ACYP2: variants seen among roughly 807,000 people sequenced by gnomAD.
The protein encoded by ACYP2 is acylphosphatase 2.
Under a neutral mutation model 11.2 loss-of-function variants are expected in ACYP2, and 12 were observed. The ratio of observed to expected loss-of-function variants is 1.08; its 90% CI spans 0.69 to 1.74. The LOEUF (loss-of-function observed/expected upper bound fraction) is 1.74. ACYP2 is among the 40% of genes most tolerant of loss of function. ACYP2 has a pLI of 0.00. For synonymous variants in ACYP2, 43 were observed against 32.2 expected (o/e 1.33, Z -1.13); for missense variants, 134 against 101.9 (o/e 1.31, Z -1.35).
At chr2:54,018,195 G>C (rs893251246) in intron 2 of ACYP2, among the ~76,000 whole-genome samples, 10 of 152,128 alleles carry the variant, frequency 6.6e-5, no homozygotes, top group African/African-American at 2.4e-4. Flanking sequence ...ACCTAAGTAA[G>C]CATCAGTATC....
In ACYP2 at chr2:54,255,036, G is replaced by A. The variant is rs773792351; in HGVS notation, c.405-49652G>A. 4.8e-5 allele frequency: 78 copies of A among 1,614,014 alleles called. 1 individual carries two copies. Among genetic ancestry groups the A allele is most frequent in the South Asian group, 4.6e-4 (42 of 91,080 alleles). ...AGTACTGCAGTGGATTTGACCAGAGGTCCTCTTTAATAATCTGAGCAATCC... is the reference window on the plus strand; with the variant it reads ...AGTACTGCAGTGGATTTGACCAGAGATCCTCTTTAATAATCTGAGCAATCC... On this transcript the variant is annotated intron_variant, in intron 6 of 6. Transcript: ENST00000607452.
chr2:54,303,091 C>G (rs934855694), intron 6 of ACYP2, among the ~76,000 whole-genome samples: 1 of 152,170 alleles, frequency 6.6e-6, no homozygotes, highest in African/African-American at 2.4e-5. Flanking sequence ...CATGGTGGCT[C>G]ACACCTGTCA....
rs10542497 is a variant in ACYP2 at position 54,119,051 on chromosome 2, C to CTTTT, written c.278-16373_278-16370dup. ...GAAGTGGGATTTGAATCTTAGTAGTCTTTTTTTTTTTTTTTTTTTTTTTTT... is the reference window on the plus strand; with the variant it reads ...GAAGTGGGATTTGAATCTTAGTAGTCTTTTTTTTTTTTTTTTTTTTTTTTTTTTT... On this transcript the variant is annotated intron_variant, in intron 4 of 6. Transcript: ENST00000607452. Among the ~76,000 whole-genome samples, 143 of 43,772 alleles carry CTTTT rather than the reference C, an allele frequency of 3.3e-3. 17 individuals carry two copies. Among genetic ancestry groups the CTTTT allele is most frequent in the African/African-American group, 0.013 (127 of 9,480 alleles). 28.7% of individuals were successfully genotyped at this position (43,772 alleles called of 152,430 possible). A position where few individuals can be genotyped will look rare whatever the true frequency, so the allele number is the denominator to read the frequency against.
chr2:54,201,668 T>TTCTTTCTTTCTTTCTTTCTTTCTTTC (rs1558609076), intron 6 of ACYP2, among the ~76,000 whole-genome samples: 19 of 109,926 alleles, frequency 1.7e-4, no homozygotes, highest in Non-Finnish European at 3.6e-4. Context: ...CTTTCTTTCT[T>TTCTTTCTTTCTTTCTTTCTTTCTTTC]TCTTTCTTTC....
At chr2:54,059,950 T>C (rs1225048103) in intron 4 of ACYP2, among the ~76,000 whole-genome samples, 2 of 152,252 alleles carry the variant, frequency 1.3e-5, no homozygotes, top group Non-Finnish European at 2.9e-5. Flanking sequence ...ATTCTTTTAA[T>C]GTGCTTGCCT....
intron 6 of ACYP2, among the ~76,000 whole-genome samples, chr2:54,174,745 A>G (rs1683364989): frequency 6.6e-6 from 1 of 152,124 alleles, no homozygotes. Flanking sequence ...GGGCTGTTGA[A>G]TTTTGTCAAA....
intron 2 of ACYP2, among the ~76,000 whole-genome samples, chr2:54,015,328 G>A (rs927428952): frequency 6.3e-4 from 89 of 142,204 alleles, no homozygotes; most frequent in Non-Finnish European, 1.2e-3. Context: ...CCTGATCATG[G>A]AGAAACCCTG....
intron 6 of ACYP2, among the ~76,000 whole-genome samples, chr2:54,286,116 C>G (rs1689068379): frequency 6.7e-6 from 1 of 150,124 alleles, no homozygotes; most frequent in Non-Finnish European, 1.5e-5. Flanking sequence ...CCTAGCCTAC[C>G]TTAAATGTGC....
chr2:54,066,651 A>G lies in ACYP2; in HGVS notation c.277+9291A>G, dbSNP rs911538635. On this transcript the variant is annotated intron_variant, in intron 4 of 6. Coordinates refer to ENST00000607452, the MANE Select transcript of ACYP2 (RefSeq NM_001320586.2). ...TTCCCTCGACTGGTATCAATCCAGG[A>G]TGTATTCCATTATTTTGAAATTGAA... 4.6e-5 allele frequency among the ~76,000 whole-genome samples: 7 copies of G among 152,310 alleles called. No homozygotes were observed. In the East Asian group the frequency reaches 7.7e-4, roughly 17 times the overall value.
At chr2:54,150,286 G>A (rs1014032704) in intron 6 of ACYP2, among the ~76,000 whole-genome samples, 3 of 152,228 alleles carry the variant, frequency 2.0e-5, no homozygotes, top group African/African-American at 4.8e-5. Context: ...GCCTTCTACA[G>A]AAAAGGGTTT....
intron 4 of ACYP2, among the ~76,000 whole-genome samples, chr2:54,100,543 G>T (rs1678838694): frequency 6.6e-6 from 1 of 151,750 alleles, no homozygotes; most frequent in Admixed American, 6.6e-5. Context: ...TCCTGGGCTG[G>T]AGAGATCATC....
At chr2:54,256,992 C>G (rs1461891546) in intron 6 of ACYP2, among the ~76,000 whole-genome samples, 1 of 152,122 alleles carries the variant, frequency 6.6e-6, no homozygotes, top group African/African-American at 2.4e-5. Context: ...TTAATGGTAC[C>G]TTTTGAAGAA....
chr2:54,254,875 TG>T, intron 6 of ACYP2: 1 of 1,573,590 alleles, frequency 6.4e-7, no homozygotes, highest in Non-Finnish European at 8.6e-7. Flanking sequence ...GTCCAGCTGG[TG>T]GTGGCAGGCA....
intron 2 of ACYP2, among the ~76,000 whole-genome samples, chr2:54,039,499 C>T (rs1675107669): frequency 2.0e-5 from 3 of 151,978 alleles, no homozygotes; most frequent in Admixed American, 1.3e-4. Context: ...ATGATGCTGC[C>T]CAAGCTGATC....
intron 6 of ACYP2, among the ~76,000 whole-genome samples, chr2:54,152,128 TTTTTTTTTG>T (rs1682204816): frequency 2.0e-5 from 3 of 148,864 alleles, no homozygotes; most frequent in Admixed American, 2.0e-4. Context: ...TTTTTTTTTT[TTTTTTTTTG>T]AGGCAGAGTT....
chr2:54,182,477 G>A (rs1166525761), intron 6 of ACYP2, among the ~76,000 whole-genome samples: 1 of 152,114 alleles, frequency 6.6e-6, no homozygotes, highest in Non-Finnish European at 1.5e-5. Flanking sequence ...GGCTAGCTGG[G>A]ACTACAGGCA....
At chr2:54,194,329 C>T (rs971636264) in intron 6 of ACYP2, among the ~76,000 whole-genome samples, 7 of 152,028 alleles carry the variant, frequency 4.6e-5, no homozygotes, top group African/African-American at 9.7e-5. Context: ...CATGAGCCAC[C>T]GCGCCCAGCC....
chr2:54,175,917 G>A (rs541928098), intron 6 of ACYP2, among the ~76,000 whole-genome samples: 8 of 152,092 alleles, frequency 5.3e-5, no homozygotes, highest in Non-Finnish European at 1.0e-4. Flanking sequence ...CAGATCATAA[G>A]GGCAGAGCTC....
intron 4 of ACYP2, among the ~76,000 whole-genome samples, chr2:54,092,940 G>A (rs1365575073): frequency 1.3e-5 from 2 of 152,178 alleles, no homozygotes; most frequent in African/African-American, 4.8e-5. Context: ...ATGTGCCCCA[G>A]GCTGCATCCA....
Sources: gnomAD v4.1 joint callset for allele counts (sites outside exome capture counted in the v4.1 genomes callset) on GRCh38, gnomAD v4.1.1 for gene constraint, MANE v1.5 for transcripts, NCBI Gene and HGNC (gene_info 2026-07-23, HGNC 2026-07-21) for gene names.